NAV1: variants seen among roughly 807,000 people sequenced by gnomAD.
NAV1 encodes neuron navigator 1.
In NAV1, 18 loss-of-function variants were observed where a neutral mutation model predicts 175.2. The ratio of observed to expected loss-of-function variants is 0.10; its 90% CI spans 0.07 to 0.15. The LOEUF (loss-of-function observed/expected upper bound fraction) is 0.15, where lower values mean the gene tolerates loss of function less well. NAV1 is among the 10% of genes least tolerant of loss of function. The pLI is 1.00. For synonymous variants in NAV1, 897 were observed against 978.7 expected (o/e 0.92, Z 1.56); for missense variants, 1,731 against 2,436.6 (o/e 0.71, Z 6.10).
At chr1:201,819,722 C>A in intron 29 of NAV1, 115 bp from the exon 34 acceptor site, 2 of 809,682 alleles carry the variant, frequency 2.5e-6, no homozygotes, top group South Asian at 1.6e-5. Flanking sequence ...TGGCTTCAAG[C>A]TATCCTTCCA....
chr1:201,658,967 C>T (rs1008367160), intron 1 of NAV1, among the ~76,000 whole-genome samples: 1 of 152,216 alleles, frequency 6.6e-6, no homozygotes, highest in Admixed American at 6.5e-5. Context: ...TTTGGTATGC[C>T]ACCAGGCTGT....
intron 2 of NAV1, among the ~76,000 whole-genome samples, chr1:201,609,786 A>T (rs909872092): frequency 6.6e-6 from 1 of 152,110 alleles, no homozygotes; most frequent in Non-Finnish European, 1.5e-5. Context: ...TCCATCAGGA[A>T]TCTAAGCTAT....
In NAV1 at chr1:201,808,187, C is replaced by T; in HGVS notation, c.3845+38C>T. ...TGGCTCCCTGCCACCCAGCCTGTTA[C>T]CAGTGTAAGCTGTGGGCTAGAGTTG... On this transcript the variant is annotated intron_variant, in intron 18 of 29. Transcript: ENST00000367296. This position sits in a 1 kb window ranked among gnomAD's most constrained non-coding sequence, Gnocchi z 5.5. The T allele has an allele frequency of 1.2e-6, 2 of 1,605,738 alleles. No individual in the cohort carries two copies. Among genetic ancestry groups the T allele is most frequent in the Non-Finnish European group, 1.7e-6 (2 of 1,173,596 alleles).
chr1:201,627,017 A>G (rs1668347971), intron 1 of NAV1, among the ~76,000 whole-genome samples: 1 of 152,232 alleles, frequency 6.6e-6, no homozygotes, highest in African/African-American at 2.4e-5. Context: ...CATATGACTG[A>G]TGTAACCTCA....
rs530859277 is a variant in NAV1 at position 201,822,713 on chromosome 1, G to A, written c.*2781G>A. 7 of 152,776 alleles carry A rather than the reference G, an allele frequency of 4.6e-5. No individual in the cohort carries two copies. The South Asian group carries it at 6.2e-4, about 14-fold the overall frequency. The allele number at this position is 152,776 out of a possible 1,614,324, so 9.5% of individuals were successfully genotyped here. ...CTCCAATTGCTTTCCTCCAGAAAGT[G>A]TGTTCCCGTCTAGTGAGGTAGTATT... On this transcript the variant is annotated 3_prime_UTR_variant, in exon 30 of 30. Transcript: ENST00000367296.
intron 1 of NAV1, among the ~76,000 whole-genome samples, chr1:201,624,120 G>A (rs1281593076): frequency 6.6e-6 from 1 of 152,136 alleles, no homozygotes; most frequent in Admixed American, 6.5e-5. Flanking sequence ...TCACTCGTTT[G>A]CTCACTCCAT....
chr1:201,787,245 G>A lies in NAV1; in HGVS notation c.2995+668G>A, dbSNP rs530572333. On this transcript the variant is annotated intron_variant, in intron 9 of 29. Transcript: ENST00000367296. This position sits in a 1 kb window ranked among gnomAD's most constrained non-coding sequence, Gnocchi z 4.3. ...CAGCTCCGGTTCTGTGAAGCAGTAC[G>A]CCATGATTGGCCTACTAGGAATCCA... Among the ~76,000 whole-genome samples, 3 of 152,338 alleles carry A rather than the reference G, an allele frequency of 2.0e-5. No individual in the cohort carries two copies. The highest frequency in any genetic ancestry group is 2.1e-4 in the South Asian group (1 of 4,828).
chr1:201,792,110 G>A (rs923502171), intron 13 of NAV1: 1 of 152,078 alleles, frequency 6.6e-6, no homozygotes, highest in Non-Finnish European at 1.5e-5. Context: ...TCTTAGAACA[G>A]GAAGTTCCAT....
intron 15 of NAV1, chr1:201,798,178 C>T (rs971346732): frequency 8.5e-5 from 13 of 152,174 alleles, no homozygotes; most frequent in African/African-American, 3.1e-4. Context: ...AGTTCTAACT[C>T]CTACGTAGAT....
At chr1:201,612,153 C>A (rs2102256055) in intron 2 of NAV1, among the ~76,000 whole-genome samples, 1 of 152,102 alleles carries the variant, frequency 6.6e-6, no homozygotes, top group East Asian at 1.9e-4. Flanking sequence ...TTAGACTGGG[C>A]AATTTGTAAA....
chr1:201,655,460 T>C (rs1186259441), intron 1 of NAV1, among the ~76,000 whole-genome samples: 1 of 151,610 alleles, frequency 6.6e-6, no homozygotes, highest in Non-Finnish European at 1.5e-5. Flanking sequence ...GGTGGGGAGG[T>C]AGGGGGGGCC....
chr1:201,583,458 C>A (rs1259926096), intron 1 of NAV1, among the ~76,000 whole-genome samples: 1 of 152,226 alleles, frequency 6.6e-6, no homozygotes, highest in African/African-American at 2.4e-5. Flanking sequence ...AAGAGCAGCA[C>A]CTGCAGAGGC....
At chr1:201,762,258 A>G (rs1035091944) in intron 3 of NAV1, among the ~76,000 whole-genome samples, 1 of 152,256 alleles carries the variant, frequency 6.6e-6, no homozygotes, top group Admixed American at 6.5e-5. Flanking sequence ...AAGTAATAAA[A>G]GTGGAAATCC....
In NAV1 at chr1:201,812,387, G is replaced by A. The variant is rs1047178740; in HGVS notation, c.5025-78G>A. On this transcript the variant is annotated intron_variant, in intron 26 of 29. Transcript: ENST00000367296. The surrounding 1 kb of genome is among the most constrained non-coding windows in gnomAD (Gnocchi z 4.6). Reference sequence around the variant, plus strand: ...ATTAGTGAGAAGCAGGCAGAAGGAGGGACAGACTGGCAGGGGCTGAACCCT... The same window carrying A: ...ATTAGTGAGAAGCAGGCAGAAGGAGAGACAGACTGGCAGGGGCTGAACCCT... 1 of 1,415,336 alleles carries A rather than the reference G, an allele frequency of 7.1e-7. No individual in the cohort carries two copies. Among genetic ancestry groups the A allele is most frequent in the African/African-American group, 1.4e-5 (1 of 71,238 alleles). 87.7% of individuals were successfully genotyped at this position (1,415,336 alleles called of 1,614,324 possible). A position where few individuals can be genotyped will look rare whatever the true frequency, so the allele number is the denominator to read the frequency against.
At chr1:201,704,993 A>G (rs1671606059) in intron 1 of NAV1, among the ~76,000 whole-genome samples, 1 of 152,024 alleles carries the variant, frequency 6.6e-6, no homozygotes, top group South Asian at 2.1e-4. Context: ...AAAAATTATT[A>G]TTTTTTATAG....
chr1:201,800,479 T>C (rs1677781118), intron 15 of NAV1, among the ~76,000 whole-genome samples: 1 of 152,236 alleles, frequency 6.6e-6, no homozygotes, highest in African/African-American at 2.4e-5. Context: ...CACTCATTAA[T>C]TTACATAATG....
intron 3 of NAV1, among the ~76,000 whole-genome samples, chr1:201,764,223 C>T (rs1014103648): frequency 1.3e-5 from 2 of 152,180 alleles, no homozygotes; most frequent in Admixed American, 1.3e-4. Context: ...AGCTTATTTT[C>T]GTAACTTAAT....
At chr1:201,639,426 G>C (rs1238877007) in intron 2 of NAV1, among the ~76,000 whole-genome samples, 1 of 152,188 alleles carries the variant, frequency 6.6e-6, no homozygotes, top group Non-Finnish European at 1.5e-5. Context: ...CCCCAAGGAG[G>C]GGAAGGAGAA....
chr1:201,815,840 G>T (rs536350190), intron 28 of NAV1, among the ~76,000 whole-genome samples: 1 of 152,206 alleles, frequency 6.6e-6, no homozygotes, highest in South Asian at 2.1e-4. Context: ...TCAGGTTCAA[G>T]CGATTCTCCT....
Sources: allele counts gnomAD v4.1 joint callset (sites outside exome capture counted in the v4.1 genomes callset), GRCh38; gene constraint gnomAD v4.1.1; non-coding constraint Gnocchi (gnomAD v3.1); transcripts MANE v1.5; gene names NCBI Gene and HGNC (gene_info 2026-07-23, HGNC 2026-07-21).